Variants in RUNX1 observed in about 807,000 individuals in gnomAD.
RUNX1 encodes RUNX family transcription factor 1.
In RUNX1, 19 loss-of-function variants were observed where a neutral mutation model predicts 42.8. The ratio of observed to expected loss-of-function variants is 0.44; its 90% confidence interval spans 0.31 to 0.65. RUNX1 has a LOEUF of 0.65. RUNX1 is among the 30% of genes least tolerant of loss of function. The pLI is 0.07. For synonymous variants in RUNX1, 271 were observed against 289.4 expected, an observed-to-expected ratio of 0.94 and a Z score of 0.64; for missense variants, 528 against 672.0, an observed-to-expected ratio of 0.79 and a Z score of 2.37.
intron 2 of RUNX1, chr21:35,038,407 C>G (rs1375171073): frequency 2.6e-6 from 1 of 389,844 alleles, no homozygotes; most frequent in East Asian, 7.2e-5. Flanking sequence ...TGGACTGAAG[C>G]CTCCAGGGAA....
In RUNX1 at chr21:34,970,328, C is replaced by T. The variant is rs535437827; in HGVS notation, c.59-77365G>A. ...GAAGCACCACAGATGACTCCAACAC[C>T]ATTAAGGGTGGCGAAATCAGGTTGG... On this transcript the variant is annotated intron_variant, in intron 2 of 8. Coordinates refer to ENST00000675419, the MANE Select transcript of RUNX1 (RefSeq NM_001754.5). Among the ~76,000 whole-genome samples, 4 of 152,316 alleles carry T rather than the reference C, an allele frequency of 2.6e-5. No individual in the cohort carries two copies. The East Asian group carries it at 7.7e-4, about 29-fold the overall frequency.
intron 2 of RUNX1, among the ~76,000 whole-genome samples, chr21:34,925,750 T>A (rs988039113): frequency 6.6e-6 from 1 of 152,122 alleles, no homozygotes; most frequent in Admixed American, 6.5e-5. Context: ...TATTGTAAGA[T>A]CCTTAGAGGT....
chr21:34,831,269 A>G (rs2057059770), intron 7 of RUNX1, among the ~76,000 whole-genome samples: 1 of 152,140 alleles, frequency 6.6e-6, no homozygotes, highest in Admixed American at 6.5e-5. Context: ...CTGGTAAAAT[A>G]GGAAGTTGAA....
intron 2 of RUNX1, among the ~76,000 whole-genome samples, chr21:35,007,804 T>C (rs976020149): frequency 1.1e-4 from 16 of 152,142 alleles, no homozygotes; most frequent in African/African-American, 3.1e-4. Context: ...CTTACTTATC[T>C]TCCTATTACC....
At chr21:34,854,607 G>T (rs199960832) in intron 6 of RUNX1, among the ~76,000 whole-genome samples, 2 of 149,434 alleles carry the variant, frequency 1.3e-5, no homozygotes, top group African/African-American at 4.9e-5. Context: ...AAAAAAAAAA[G>T]AAAAAAGAAA....
chr21:35,011,550 C>T (rs1001732613), intron 2 of RUNX1, among the ~76,000 whole-genome samples: 10 of 152,098 alleles, frequency 6.6e-5, no homozygotes, highest in African/African-American at 1.7e-4. Context: ...CATAGGAAAC[C>T]GAGGAGGGTA....
At chr21:34,903,415 A>G (rs1277987961) in intron 2 of RUNX1, among the ~76,000 whole-genome samples, 1 of 152,314 alleles carries the variant, frequency 6.6e-6, no homozygotes, top group East Asian at 1.9e-4. Context: ...TGACTTTTTT[A>G]CTAAAATAAA....
chr21:34,788,281 G>A lies in RUNX1; in HGVS notation c.*3854C>T, dbSNP rs146249119. 2.6e-5 allele frequency: 6 copies of A among 233,492 alleles called. No individual in the cohort carries two copies. Among genetic ancestry groups the A allele is most frequent in the Admixed American group, 1.7e-4 (3 of 17,786 alleles). 14.5% of individuals were successfully genotyped at this position (233,492 alleles called of 1,614,324 possible). ...GCTTTTTCAGTAGATGTGTTATACC[G>A]TCATTTCAATTTGAAAGTTTATTTT... On this transcript the variant is annotated 3_prime_UTR_variant, in exon 9 of 9. Transcript: ENST00000675419.
At chr21:34,888,686 C>T in intron 3 of RUNX1, 1 of 1,040,828 alleles carries the variant, frequency 9.6e-7, no homozygotes, top group Non-Finnish European at 1.2e-6. Flanking sequence ...CCCGCTGGCT[C>T]TATGAATGAG....
intron 6 of RUNX1, among the ~76,000 whole-genome samples, chr21:34,839,823 T>C (rs2057206844): frequency 6.6e-6 from 1 of 152,202 alleles, no homozygotes; most frequent in Non-Finnish European, 1.5e-5. Context: ...AAGCTTCCAA[T>C]GTGCATTACT....
rs2058229883 is a variant in RUNX1, at chr21:34,907,335, A to C, written c.59-14372T>G. Among the ~76,000 whole-genome samples the C allele has an allele frequency of 1.3e-5, 2 of 152,220 alleles. No individual in the cohort carries two copies. The highest frequency in any genetic ancestry group is 6.5e-5 in the Admixed American group (1 of 15,280). ...ACTTCTAAACAATAGGTTGTGACCC[A>C]TAGATTGGTTGTTAATAATAATAAT... On this transcript the variant is annotated intron_variant, in intron 2 of 8. Coordinates refer to ENST00000675419, the MANE Select transcript of RUNX1 (RefSeq NM_001754.5). The surrounding 1 kb of genome is among the most constrained non-coding windows in gnomAD (Gnocchi z 5.3).
chr21:34,831,821 C>A (rs541790304), intron 7 of RUNX1, among the ~76,000 whole-genome samples: 1 of 151,920 alleles, frequency 6.6e-6, no homozygotes, highest in Non-Finnish European at 1.5e-5. Context: ...GCATATTATA[C>A]CTGTTAACTT....
intron 2 of RUNX1, among the ~76,000 whole-genome samples, chr21:34,996,186 C>A (rs898700017): frequency 6.6e-6 from 1 of 152,120 alleles, no homozygotes; most frequent in Non-Finnish European, 1.5e-5. Context: ...GGAACCACCG[C>A]CCTGACCTAT....
chr21:34,896,850 T>A (rs1172726653), intron 2 of RUNX1, among the ~76,000 whole-genome samples: 2 of 151,918 alleles, frequency 1.3e-5, no homozygotes, highest in African/African-American at 2.4e-5. Flanking sequence ...TTCAGTTGAG[T>A]GGCAGCAGCA....
chr21:34,994,846 C>T (rs1314752637), intron 2 of RUNX1, among the ~76,000 whole-genome samples: 1 of 152,092 alleles, frequency 6.6e-6, no homozygotes, highest in Non-Finnish European at 1.5e-5. Flanking sequence ...AATTAACTTC[C>T]AGCCTAATAC....
At chr21:35,008,740 G>A (rs879055313) in intron 2 of RUNX1, among the ~76,000 whole-genome samples, 4 of 152,148 alleles carry the variant, frequency 2.6e-5, no homozygotes, top group Admixed American at 6.5e-5. Context: ...CTTCATCACC[G>A]ATATGGCAGA....
At chr21:34,836,560 A>G (rs1414665905) in intron 6 of RUNX1, among the ~76,000 whole-genome samples, 1 of 152,178 alleles carries the variant, frequency 6.6e-6, no homozygotes, top group Non-Finnish European at 1.5e-5. Flanking sequence ...TTCAAAACAT[A>G]ATAACTCAGC....
At chr21:34,853,573 T>C (rs545121814) in intron 6 of RUNX1, among the ~76,000 whole-genome samples, 62 of 152,198 alleles carry the variant, frequency 4.1e-4, no homozygotes, top group Non-Finnish European at 7.5e-4. Flanking sequence ...TTATTTTTTC[T>C]TCAATTTCCC....
At chr21:34,865,320 G>A (rs2057644439) in intron 5 of RUNX1, among the ~76,000 whole-genome samples, 1 of 137,570 alleles carries the variant, frequency 7.3e-6, no homozygotes, top group African/African-American at 2.8e-5. Context: ...GTGTGTGTGT[G>A]TGTGTTCAGC....
Sources: allele counts gnomAD v4.1 joint callset (sites outside exome capture counted in the v4.1 genomes callset), GRCh38; gene constraint gnomAD v4.1.1; non-coding constraint Gnocchi (gnomAD v3.1); transcripts MANE v1.5; gene names NCBI Gene and HGNC (gene_info 2026-07-23, HGNC 2026-07-21).